TSHZ3: variants seen among roughly 807,000 people sequenced by gnomAD.
The protein encoded by TSHZ3 is teashirt homolog 3.
TSHZ3 carries 10 observed loss-of-function variants against 64.5 expected under a neutral mutation model. The observed-to-expected ratio is 0.16, with a 90% CI of 0.10 to 0.26. The LOEUF (loss-of-function observed/expected upper bound fraction) is 0.26. Among genes scored for constraint, TSHZ3 ranks in the 10% least tolerant of loss-of-function variants. The pLI is 1.00. For synonymous variants in TSHZ3, 608 were observed against 593.1 expected (o/e 1.03, Z -0.36); for missense variants, 1,242 against 1,421.7 (o/e 0.87, Z 2.03).
Position 31,307,539 on chromosome 19 carries a change from C to T in TSHZ3, c.41-27787G>A, listed in dbSNP as rs560406621. On this transcript the variant is annotated intron_variant, in intron 1 of 1. Transcript: ENST00000240587. ...TCCATTAGGACCCCACAAATAAAAC[C>T]GCGTGATGAATGGCAAAGCCAAGGG... Among the ~76,000 whole-genome samples the T allele has an allele frequency of 5.9e-5, 9 of 152,284 alleles. No homozygotes were observed. The South Asian group carries it at 6.2e-4, about 11-fold the overall frequency.
At chr19:31,196,206 A>G (rs952734108) in intron 5 of TSHZ3, among the ~76,000 whole-genome samples, 1 of 152,000 alleles carries the variant, frequency 6.6e-6, no homozygotes, top group East Asian at 1.9e-4. Context: ...ATGAAGCAGT[A>G]TAGCAGTATA....
chr19:31,204,592 T>C (rs1483711509), intron 5 of TSHZ3, among the ~76,000 whole-genome samples: 1 of 152,232 alleles, frequency 6.6e-6, no homozygotes, highest in Non-Finnish European at 1.5e-5. Context: ...GTTGTTGTTA[T>C]TGTTGTTTTA....
chr19:31,297,649 G>C (rs1445778011), intron 1 of TSHZ3, among the ~76,000 whole-genome samples: 1 of 151,888 alleles, frequency 6.6e-6, no homozygotes, highest in Admixed American at 6.6e-5. Flanking sequence ...TATTTTTTTT[G>C]TAGAGTCAGG....
chr19:31,211,531 C>T (rs1975258897), intron 4 of TSHZ3, among the ~76,000 whole-genome samples: 1 of 152,080 alleles, frequency 6.6e-6, no homozygotes, highest in East Asian at 1.9e-4. Context: ...TGGGCTGGGG[C>T]AGGGGCAGTG....
At chr19:31,254,713 G>C (rs767654130) in intron 1 of TSHZ3, among the ~76,000 whole-genome samples, 11 of 152,254 alleles carry the variant, frequency 7.2e-5, no homozygotes, top group African/African-American at 2.4e-4. Context: ...CACATGGGCT[G>C]AGTCCCCATT....
intron 3 of TSHZ3, among the ~76,000 whole-genome samples, chr19:31,233,934 C>T (rs1293386356): frequency 1.9e-5 from 2 of 103,698 alleles, no homozygotes; most frequent in Non-Finnish European, 4.2e-5. Flanking sequence ...TTAATTCCTA[C>T]CAAAAAAAAA....
chr19:31,294,948 A>G (rs1278780151), intron 1 of TSHZ3, among the ~76,000 whole-genome samples: 1 of 152,086 alleles, frequency 6.6e-6, no homozygotes, highest in Non-Finnish European at 1.5e-5. Flanking sequence ...AGTATATATC[A>G]AAATTGAAAA....
chr19:31,164,240 T>C (rs1010307398), intron 5 of TSHZ3, among the ~76,000 whole-genome samples: 1 of 152,086 alleles, frequency 6.6e-6, no homozygotes, highest in Admixed American at 6.6e-5. Context: ...CATCGCACTA[T>C]TGCCCATGGA....
At chr19:31,158,162 A>G (rs1974329642) in intron 5 of TSHZ3, among the ~76,000 whole-genome samples, 1 of 152,258 alleles carries the variant, frequency 6.6e-6, no homozygotes, top group Non-Finnish European at 1.5e-5. Context: ...TGTGCCCTCC[A>G]AAACCATAGC....
chr19:31,159,882 G>A (rs1440182627), intron 5 of TSHZ3, among the ~76,000 whole-genome samples: 1 of 151,992 alleles, frequency 6.6e-6, no homozygotes, highest in East Asian at 1.9e-4. Flanking sequence ...CATAGAGATG[G>A]GGTCTCACTA....
In TSHZ3 at chr19:31,279,123, C is replaced by T. The variant is rs1430882038; in HGVS notation, c.670G>A (p.Asp224Asn). ...TGCACCGTCAACTCCACCAGGGTGT[C>T]GTAGGCAGCGCTGCAGTCCTTACAG... is the stretch of plus-strand genomic sequence containing the variant. ...FRCKDCSAAY[D>N]TLVELTVHMN... The change falls in exon 2 of 2, where the codon GAC becomes AAC. Residue 224 changes from aspartate (D) to asparagine (N), a missense_variant. Coordinates refer to ENST00000240587, the MANE Select transcript of TSHZ3 (RefSeq NM_020856.4). This position sits in a 1 kb window ranked among gnomAD's most constrained non-coding sequence, Gnocchi z 6.4. 4 of 1,613,838 alleles carry T rather than the reference C, an allele frequency of 2.5e-6. No homozygotes were observed. The highest frequency in any genetic ancestry group is 1.7e-5 in the Admixed American group (1 of 60,006).
At chr19:31,327,950 G>A (rs531657337) in intron 1 of TSHZ3, among the ~76,000 whole-genome samples, 2 of 152,350 alleles carry the variant, frequency 1.3e-5, no homozygotes, top group East Asian at 3.9e-4. Flanking sequence ...TACATCGGCT[G>A]TCAGATCACT....
At chr19:31,329,752 C>G (rs1168651880) in intron 1 of TSHZ3, among the ~76,000 whole-genome samples, 1 of 152,182 alleles carries the variant, frequency 6.6e-6, no homozygotes, top group Non-Finnish European at 1.5e-5. Context: ...GAGGCAGGAA[C>G]ACCGCCCTGT....
intron 1 of TSHZ3, among the ~76,000 whole-genome samples, chr19:31,282,173 C>A (rs928433653): frequency 2.0e-5 from 3 of 152,060 alleles, no homozygotes; most frequent in Admixed American, 1.3e-4. Flanking sequence ...TTATTGTAAA[C>A]GGGGAAAGAG....
At chr19:31,244,336 C>T (rs1599602098) in intron 1 of TSHZ3, among the ~76,000 whole-genome samples, 1 of 152,302 alleles carries the variant, frequency 6.6e-6, no homozygotes, top group African/African-American at 2.4e-5. Context: ...CCATGTAAGA[C>T]ATGCTGGCTT....
At chr19:31,327,663 G>A (rs143128886) in intron 1 of TSHZ3, among the ~76,000 whole-genome samples, 46 of 152,086 alleles carry the variant, frequency 3.0e-4, no homozygotes, top group African/African-American at 9.6e-4. Flanking sequence ...ACGTATACAC[G>A]CATATAAATA....
At chr19:31,270,590 C>T (rs762725668), downstream of TSHZ3, among the ~76,000 whole-genome samples, 9 of 152,220 alleles carry the variant, frequency 5.9e-5, no homozygotes, top group African/African-American at 1.4e-4. Context: ...GTTGCGATTA[C>T]GGGCTTGGGC....
chr19:31,213,791 C>G (rs563240827), intron 4 of TSHZ3, among the ~76,000 whole-genome samples: 4 of 152,210 alleles, frequency 2.6e-5, no homozygotes, highest in African/African-American at 9.6e-5. Flanking sequence ...CGTGCTGGCA[C>G]TTAGCGCACG....
intron 1 of TSHZ3, among the ~76,000 whole-genome samples, chr19:31,259,668 A>T (rs1975959431): frequency 6.6e-6 from 1 of 152,150 alleles, no homozygotes; most frequent in African/African-American, 2.4e-5. Flanking sequence ...AAAAAGAGAA[A>T]TAGGAGGTCA....
Sources: allele counts gnomAD v4.1 joint callset (sites outside exome capture counted in the v4.1 genomes callset), GRCh38; gene constraint gnomAD v4.1.1; non-coding constraint Gnocchi (gnomAD v3.1); transcripts MANE v1.5; gene names NCBI Gene and HGNC (gene_info 2026-07-23, HGNC 2026-07-21).